The following TFDP2 variants were observed in gnomAD, a reference collection of about 807,000 sequenced individuals.
The protein encoded by TFDP2 is transcription factor Dp-2, also known as transcription factor Dp-2 (E2F dimerization partner 2).
Under a neutral mutation model 59.3 loss-of-function variants are expected in TFDP2, and 17 were observed. That is an observed-to-expected ratio of 0.29 (90% confidence interval 0.20 to 0.43). The LOEUF is 0.43. TFDP2 is among the 20% of genes least tolerant of loss of function. The pLI, the probability that TFDP2 is intolerant of heterozygous loss-of-function variation, is 1.00. For synonymous variants in TFDP2, 180 were observed against 194.7 expected (o/e 0.92, Z 0.63); for missense variants, 391 against 528.8 (o/e 0.74, Z 2.56).
intron 6 of TFDP2, among the ~76,000 whole-genome samples, chr3:141,987,185 TTAAC>T (rs753327278): frequency 6.6e-6 from 1 of 152,204 alleles, no homozygotes; most frequent in Non-Finnish European, 1.5e-5. Flanking sequence ...GAGGTGGTGA[TTAAC>T]TAGGGATTCT....
At chr3:141,979,973 G>A (rs1180061364) in intron 6 of TFDP2, among the ~76,000 whole-genome samples, 1 of 150,896 alleles carries the variant, frequency 6.6e-6, no homozygotes, top group East Asian at 1.9e-4. Context: ...CAGTGGTGCC[G>A]TCATGGCTCA....
chr3:142,048,041 C>T (rs1947433457), intron 3 of TFDP2, among the ~76,000 whole-genome samples: 1 of 151,966 alleles, frequency 6.6e-6, no homozygotes, highest in African/African-American at 2.4e-5. Context: ...CACTCCTGGC[C>T]CTAATATGCT....
At position 141,977,125 on chromosome 3, in the gene TFDP2, T is replaced by A. The variant is rs1392440033; in HGVS notation, c.519+1395A>T. On this transcript the variant is annotated intron_variant, in intron 7 of 12. Coordinates refer to ENST00000489671, the MANE Select transcript of TFDP2 (RefSeq NM_001178139.2). ...ATATATATTTTTTTTTTTTTTTTTT[T>A]TTTCCCCCCAAAGAGACGAAGTCTT... is the stretch of plus-strand genomic sequence containing the variant. Among the ~76,000 whole-genome samples, 22 of 111,530 alleles carry A rather than the reference T, an allele frequency of 2.0e-4. No homozygotes were observed. The East Asian group carries it at 5.3e-3, about 27-fold the overall frequency. The allele number at this position is 111,530 out of a possible 152,430, so 73.2% of individuals were successfully genotyped here.
At chr3:142,066,531 A>G (rs2108531305) in intron 3 of TFDP2, among the ~76,000 whole-genome samples, 1 of 152,334 alleles carries the variant, frequency 6.6e-6, no homozygotes, top group Non-Finnish European at 1.5e-5. Flanking sequence ...TTTATTGAAT[A>G]CTGTACTGAA....
intron 1 of TFDP2, among the ~76,000 whole-genome samples, chr3:142,132,021 A>C (rs954698158): frequency 6.7e-5 from 10 of 148,706 alleles, no homozygotes; most frequent in African/African-American, 2.5e-5. Context: ...AAAAAAAAAA[A>C]AGTCTAAACA....
At chr3:141,995,464 T>C (rs1175509299) in intron 4 of TFDP2, among the ~76,000 whole-genome samples, 1 of 152,090 alleles carries the variant, frequency 6.6e-6, no homozygotes, top group Non-Finnish European at 1.5e-5. Flanking sequence ...AGGAAATGAA[T>C]TGCAGTACAG....
At chr3:142,039,061 T>C (rs935190481) in intron 3 of TFDP2, among the ~76,000 whole-genome samples, 4 of 152,164 alleles carry the variant, frequency 2.6e-5, no homozygotes, top group Admixed American at 2.0e-4. Flanking sequence ...TTATTCTGAG[T>C]TCCCATATTC....
Position 141,978,542 on chromosome 3 carries a change from T to C in TFDP2, c.497A>G (p.Asn166Ser), listed in dbSNP as rs776041335. The C allele has an allele frequency of 3.1e-6, 5 of 1,609,640 alleles. No individual in the cohort carries two copies. In the South Asian group the frequency reaches 5.6e-5, roughly 18 times the overall value. Reference protein sequence around the residue: ...DELVSEFTNSNNHLAADSAYD... With the variant: ...DELVSEFTNSSNHLAADSAYD... ...TACCGAATCAGCAGCCAAATGGTTA[T>C]TTGAATTGGTGAACTCTGACACCAG... Residue 166 changes from asparagine (N) to serine (S), a missense_variant, in exon 7 of 13, where the codon AAT becomes AGT. This residue lies in a region of TFDP2 where 162 missense variants were observed against 206.8 expected (regional missense o/e 0.78). Coordinates refer to ENST00000489671, the MANE Select transcript of TFDP2 (RefSeq NM_001178139.2).
intron 1 of TFDP2, among the ~76,000 whole-genome samples, chr3:142,130,975 C>T (rs1172622805): frequency 6.8e-6 from 1 of 147,412 alleles, no homozygotes; most frequent in Non-Finnish European, 1.5e-5. Context: ...ATCGCTTGAA[C>T]GCAGGAGGCG....
intron 3 of TFDP2, among the ~76,000 whole-genome samples, chr3:142,021,880 T>G (rs2108358782): frequency 6.6e-6 from 1 of 152,342 alleles, no homozygotes; most frequent in African/African-American, 2.4e-5. Flanking sequence ...ATTTTTTAAG[T>G]GTTCACCCAA....
chr3:142,035,107 C>T (rs1946628943), intron 3 of TFDP2, among the ~76,000 whole-genome samples: 1 of 152,118 alleles, frequency 6.6e-6, no homozygotes, highest in Non-Finnish European at 1.5e-5. Context: ...CTAAATGGCT[C>T]AACCACAGCC....
intron 6 of TFDP2, among the ~76,000 whole-genome samples, chr3:141,990,026 T>A (rs1047119816): frequency 3.3e-5 from 5 of 151,826 alleles, no homozygotes; most frequent in Non-Finnish European, 5.9e-5. Flanking sequence ...CCCGAATAGC[T>A]GGGATTACAG....
intron 1 of TFDP2, among the ~76,000 whole-genome samples, chr3:142,112,478 A>G (rs895845800): frequency 5.3e-5 from 8 of 152,202 alleles, no homozygotes; most frequent in Non-Finnish European, 7.3e-5. Context: ...TTCTTAGTAT[A>G]TGTGCTTTGA....
intron 1 of TFDP2, among the ~76,000 whole-genome samples, chr3:142,106,672 T>A (rs1158247439): frequency 6.6e-6 from 1 of 152,190 alleles, no homozygotes; most frequent in Admixed American, 6.5e-5. Context: ...CAAGCTCTTC[T>A]GTTAGTTAAA....
chr3:142,085,107 G>A (rs969039206), intron 3 of TFDP2, among the ~76,000 whole-genome samples: 11 of 152,180 alleles, frequency 7.2e-5, no homozygotes, highest in African/African-American at 2.6e-4. Context: ...TTTTAGTAGA[G>A]ACAGGGTTTC....
chr3:141,985,519 C>CAAA (rs61684289), intron 6 of TFDP2, among the ~76,000 whole-genome samples: 113 of 74,270 alleles, frequency 1.5e-3, no homozygotes, highest in African/African-American at 4.9e-3. Context: ...GACGCTGTCT[C>CAAA]AAAAAAAAAA....
At chr3:142,055,732 T>C (rs536772937) in intron 3 of TFDP2, among the ~76,000 whole-genome samples, 2 of 152,136 alleles carry the variant, frequency 1.3e-5, no homozygotes, top group Non-Finnish European at 2.9e-5. Context: ...GAAACAGATA[T>C]TATCTCCAGC....
intron 4 of TFDP2, among the ~76,000 whole-genome samples, chr3:142,000,875 T>G (rs1943702000): frequency 6.6e-6 from 1 of 152,236 alleles, no homozygotes; most frequent in Non-Finnish European, 1.5e-5. Flanking sequence ...CTTGATATCC[T>G]GCCTTCTGGA....
intron 3 of TFDP2, among the ~76,000 whole-genome samples, chr3:142,036,965 G>A (rs770167963): frequency 3.9e-5 from 6 of 152,080 alleles, no homozygotes; most frequent in Admixed American, 6.5e-5. Context: ...ACTCCTCAGC[G>A]TCCAATGGTA....
Sources: allele counts gnomAD v4.1 joint callset (sites outside exome capture counted in the v4.1 genomes callset), GRCh38; gene constraint gnomAD v4.1.1; regional missense constraint gnomAD v4.1.1; transcripts MANE v1.5; gene names NCBI Gene and HGNC (gene_info 2026-07-23, HGNC 2026-07-21).